The following GADL1 variants were observed in gnomAD, a reference collection of about 807,000 sequenced individuals.
GADL1 encodes the protein acidic amino acid decarboxylase GADL1.
In GADL1, 71 loss-of-function variants were observed where a neutral mutation model predicts 69.5. That is an observed-to-expected ratio of 1.02 (90% CI 0.84 to 1.25). The LOEUF (loss-of-function observed/expected upper bound fraction) is 1.25. Among genes scored for constraint, GADL1 ranks in the 50% most tolerant of loss-of-function variants. GADL1 has a pLI of 0.00. For missense variants in GADL1, 737 were observed against 631.8 expected, an observed-to-expected ratio of 1.17 and a Z score of -1.79; for synonymous variants, 254 against 214.4, an observed-to-expected ratio of 1.18 and a Z score of -1.62.
At chr3:30,863,305 A>G (rs4521277) in intron 1 of GADL1, among the ~76,000 whole-genome samples, 51,985 of 151,778 alleles carry the variant, frequency 0.34, 9,392 homozygotes, top group East Asian at 0.67. Context: ...CAGCACAATG[A>G]TTTGTTAAGC....
intron 11 of GADL1, among the ~76,000 whole-genome samples, chr3:30,823,210 C>T (rs1404582425): frequency 6.6e-6 from 1 of 151,498 alleles, no homozygotes; most frequent in East Asian, 1.9e-4. Context: ...CTCCAGGACA[C>T]TTTCAGACTC....
At chr3:30,847,802 G>A (rs994488144) in intron 6 of GADL1, among the ~76,000 whole-genome samples, 4 of 152,098 alleles carry the variant, frequency 2.6e-5, no homozygotes, top group Non-Finnish European at 5.9e-5. Flanking sequence ...AAACCACTTA[G>A]TTATGGTTTC....
chr3:30,759,582 T>G (rs10510639), intron 14 of GADL1, among the ~76,000 whole-genome samples: 52,811 of 152,066 alleles, frequency 0.35, 9,444 homozygotes, highest in South Asian at 0.43. Context: ...AAAGCCTAAT[T>G]TTGAATTGTC....
Position 30,753,436 on chromosome 3 carries a change from ATTT to A in GADL1, c.1392+24740_1392+24742del, listed in dbSNP as rs557278263. Among the ~76,000 whole-genome samples, 583 of 151,582 alleles carry A rather than the reference ATTT, an allele frequency of 3.8e-3. 8 individuals are homozygous for A. The highest frequency in any genetic ancestry group is 0.014 in the African/African-American group (560 of 41,008). Reference sequence around the variant, plus strand: ...CTTGGTTGAGGTTTTTCCTTAGTTTATTTTTTAATTTTTAGGAAAAAATTCTCA... The same window carrying A: ...CTTGGTTGAGGTTTTTCCTTAGTTTATTTAATTTTTAGGAAAAAATTCTCA... On this transcript the variant is annotated intron_variant, in intron 14 of 14. Transcript: ENST00000282538.
intron 14 of GADL1, among the ~76,000 whole-genome samples, chr3:30,764,785 C>A (rs1238301994): frequency 6.6e-6 from 1 of 152,188 alleles, no homozygotes; most frequent in Non-Finnish European, 1.5e-5. Context: ...CGGCTCACCC[C>A]AGGTTGTACT....
rs201303824 is a variant in GADL1 at position 30,775,610 on chromosome 3, G to T, written c.1392+2569C>A. On this transcript the variant is annotated intron_variant, in intron 14 of 14. Transcript: ENST00000282538. ...AGTAGCAACTATAACAAATGAAGTTGTTACTAGATCAGGCAAGGGGAAACC... is the reference window on the plus strand; with the variant it reads ...AGTAGCAACTATAACAAATGAAGTTTTTACTAGATCAGGCAAGGGGAAACC... 2.4e-4 allele frequency among the ~76,000 whole-genome samples: 36 copies of T among 152,218 alleles called. No homozygotes were observed. In the East Asian group the frequency reaches 4.4e-3, roughly 19 times the overall value.
At chr3:30,747,465 C>T (rs1290125276) in intron 14 of GADL1, among the ~76,000 whole-genome samples, 1 of 152,174 alleles carries the variant, frequency 6.6e-6, no homozygotes, top group Non-Finnish European at 1.5e-5. Flanking sequence ...TAGAGTCTGA[C>T]ACCTCACAAA....
chr3:30,762,407 C>CT (rs548266121), intron 14 of GADL1, among the ~76,000 whole-genome samples: 31 of 152,122 alleles, frequency 2.0e-4, no homozygotes, highest in Non-Finnish European at 3.7e-4. Context: ...ATACACAAAG[C>CT]ATATCTGAAC....
At chr3:30,806,752 C>T (rs933180916) in intron 11 of GADL1, among the ~76,000 whole-genome samples, 3 of 152,130 alleles carry the variant, frequency 2.0e-5, no homozygotes, top group African/African-American at 7.2e-5. Context: ...GACAGCTGGA[C>T]AGATGAGAGA....
intron 11 of GADL1, among the ~76,000 whole-genome samples, chr3:30,815,274 G>A (rs566950308): frequency 6.6e-6 from 1 of 152,148 alleles, no homozygotes; most frequent in African/African-American, 2.4e-5. Flanking sequence ...ACAGCAAGTG[G>A]AAGTTACTAG....
rs938508508 is a variant in GADL1, at chr3:30,726,938, T to C, written c.*1304A>G. 3.3e-5 allele frequency: 5 copies of C among 152,436 alleles called. No homozygotes were observed. The highest frequency in any genetic ancestry group is 1.3e-4 in the Admixed American group (2 of 15,252). The allele number at this position is 152,436 out of a possible 1,614,324, so 9.4% of individuals were successfully genotyped here. ...CCCAGATTCTGTAATATAAACCACT[T>C]AATAATCTATACTGACATTTCAAAG... is the stretch of plus-strand genomic sequence containing the variant. On this transcript the variant is annotated 3_prime_UTR_variant, in exon 15 of 15. Transcript: ENST00000282538.
chr3:30,821,406 T>C (rs1559352194), intron 11 of GADL1, among the ~76,000 whole-genome samples: 1 of 152,042 alleles, frequency 6.6e-6, no homozygotes, highest in African/African-American at 2.4e-5. Flanking sequence ...GTCTTTTTTT[T>C]CTCTTTTTTT....
At chr3:30,735,204 TACAATTTA>T (rs533085855) in intron 14 of GADL1, among the ~76,000 whole-genome samples, 2 of 148,136 alleles carry the variant, frequency 1.4e-5, no homozygotes, top group Admixed American at 6.6e-5. Flanking sequence ...GGTCACACTA[TACAATTTA>T]ACCTTCTACG....
intron 8 of GADL1, among the ~76,000 whole-genome samples, chr3:30,841,861 C>T (rs970844311): frequency 2.6e-5 from 4 of 152,106 alleles, no homozygotes; most frequent in African/African-American, 9.7e-5. Context: ...TGAAGCCTCC[C>T]TGGTTTTAAA....
chr3:30,753,574 C>G (rs9819761), intron 14 of GADL1, among the ~76,000 whole-genome samples: 31 of 151,578 alleles, frequency 2.0e-4, no homozygotes, highest in Non-Finnish European at 4.4e-4. Flanking sequence ...CTCTTTCAAA[C>G]AAGCGTCGGA....
chr3:30,806,647 A>AC (rs1697261714), intron 11 of GADL1, among the ~76,000 whole-genome samples: 1 of 152,234 alleles, frequency 6.6e-6, no homozygotes, highest in African/African-American at 2.4e-5. Flanking sequence ...AGGAGGAAGA[A>AC]CAAGGCACAA....
chr3:30,881,153 A>G (rs1356778691), intron 1 of GADL1, among the ~76,000 whole-genome samples: 1 of 151,976 alleles, frequency 6.6e-6, no homozygotes, highest in African/African-American at 2.4e-5. Flanking sequence ...GCAATAAAAT[A>G]TTATCAGCTT....
At chr3:30,813,597 G>A (rs184882459) in intron 11 of GADL1, among the ~76,000 whole-genome samples, 2 of 152,336 alleles carry the variant, frequency 1.3e-5, no homozygotes, top group African/African-American at 2.4e-5. Context: ...TAAGGCCTGT[G>A]GCCTACATTT....
intron 11 of GADL1, among the ~76,000 whole-genome samples, chr3:30,811,190 T>C (rs887863031): frequency 1.3e-5 from 2 of 152,166 alleles, no homozygotes; most frequent in African/African-American, 4.8e-5. Flanking sequence ...AAATCTTCCT[T>C]AAATACCCCT....
Sources: gnomAD v4.1 joint callset for allele counts (sites outside exome capture counted in the v4.1 genomes callset) on GRCh38, gnomAD v4.1.1 for gene constraint, MANE v1.5 for transcripts, NCBI Gene and HGNC (gene_info 2026-07-23, HGNC 2026-07-21) for gene names.